The following ANKS1B variants were observed in gnomAD, a reference collection of about 807,000 sequenced individuals.
ANKS1B encodes the protein ankyrin repeat and sterile alpha motif domain-containing protein 1B.
In ANKS1B, 36 loss-of-function variants were observed where a neutral mutation model predicts 148.3. The ratio of observed to expected loss-of-function variants is 0.24; its 90% CI spans 0.19 to 0.32. The LOEUF (loss-of-function observed/expected upper bound fraction) is 0.32, where lower values mean the gene tolerates loss of function less well. Ranked by LOEUF, ANKS1B falls within the 10% of genes least tolerant of loss-of-function variation. The probability of loss-of-function intolerance (pLI) is 1.00; values close to 1 mark genes in which losing one functional copy is unlikely to be tolerated. For missense variants in ANKS1B, 1,157 were observed against 1,542.6 expected, an observed-to-expected ratio of 0.75 and a Z score of 4.19; for synonymous variants, 542 against 560.8, an observed-to-expected ratio of 0.97 and a Z score of 0.47.
chr12:99,023,790 C>T (rs566833117), intron 17 of ANKS1B, among the ~76,000 whole-genome samples: 1 of 150,266 alleles, frequency 6.7e-6, no homozygotes, highest in South Asian at 2.1e-4. Flanking sequence ...TATGCACACA[C>T]ATACACACAT....
In ANKS1B at chr12:99,885,730, G is replaced by GT. The variant is rs199936927; in HGVS notation, c.135-60342dup. Reference sequence around the variant, plus strand: ...CAGTGTCCATTGTATCCAGTATGTAGTTTTTTTATCCCTTACCCCTCTTCT... The same window carrying GT: ...CAGTGTCCATTGTATCCAGTATGTAGTTTTTTTTATCCCTTACCCCTCTTCT... On this transcript the variant is annotated intron_variant, in intron 1 of 26. Transcript: ENST00000683438. Among the ~76,000 whole-genome samples the GT allele has an allele frequency of 1.7e-3, 255 of 152,158 alleles. 9 individuals are homozygous for GT. The East Asian group carries it at 0.041, about 24-fold the overall frequency.
At chr12:99,252,795 A>AT (rs1303399503) in intron 12 of ANKS1B, among the ~76,000 whole-genome samples, 3 of 152,226 alleles carry the variant, frequency 2.0e-5, no homozygotes, top group African/African-American at 7.2e-5. Context: ...TCCCTTGAGA[A>AT]TATCAGAAAT....
At chr12:99,485,768 C>T (rs910590898) in intron 10 of ANKS1B, among the ~76,000 whole-genome samples, 1 of 151,984 alleles carries the variant, frequency 6.6e-6, no homozygotes, top group Non-Finnish European at 1.5e-5. Context: ...AATTCAAAGG[C>T]CCTGTCTTTG....
At chr12:99,063,025 G>A (rs1256501453) in intron 16 of ANKS1B, among the ~76,000 whole-genome samples, 3 of 152,146 alleles carry the variant, frequency 2.0e-5, no homozygotes, top group Non-Finnish European at 4.4e-5. Context: ...AGGTCCTCAC[G>A]TGGGCAAGAG....
intron 11 of ANKS1B, among the ~76,000 whole-genome samples, chr12:99,431,172 C>T (rs545850142): frequency 1.3e-5 from 2 of 152,232 alleles, no homozygotes; most frequent in Middle Eastern, 6.8e-3. Context: ...GCATTTAGCA[C>T]CATTGATTTA....
chr12:98,766,975 TTTA>T (rs1354979271), intron 25 of ANKS1B, among the ~76,000 whole-genome samples: 2 of 127,890 alleles, frequency 1.6e-5, no homozygotes, highest in Admixed American at 9.0e-5. Context: ...CTGGCTATTA[TTTA>T]TTAATTTTTT....
intron 9 of ANKS1B, among the ~76,000 whole-genome samples, chr12:99,638,323 G>C (rs2153415305): frequency 6.6e-6 from 1 of 152,100 alleles, no homozygotes; most frequent in Non-Finnish European, 1.5e-5. Context: ...GAAGTTTGGA[G>C]CTTCCTAGAG....
intron 10 of ANKS1B, among the ~76,000 whole-genome samples, chr12:99,463,952 C>T (rs959391406): frequency 9.8e-5 from 15 of 152,294 alleles, no homozygotes; most frequent in South Asian, 2.1e-4. Flanking sequence ...TCTCCCAGCA[C>T]GCAGCTGCAG....
intron 1 of ANKS1B, among the ~76,000 whole-genome samples, chr12:99,860,383 G>A (rs989334372): frequency 2.0e-5 from 3 of 152,250 alleles, no homozygotes; most frequent in Admixed American, 6.5e-5. Flanking sequence ...AACATCATGG[G>A]TTGTTCAGCA....
intron 9 of ANKS1B, among the ~76,000 whole-genome samples, chr12:99,636,171 T>G (rs1043340989): frequency 6.6e-6 from 1 of 152,146 alleles, no homozygotes; most frequent in African/African-American, 2.4e-5. Context: ...GTCTAGAATA[T>G]AGAATTCTGT....
At chr12:99,434,761 G>C (rs1179338300) in intron 11 of ANKS1B, among the ~76,000 whole-genome samples, 1 of 151,696 alleles carries the variant, frequency 6.6e-6, no homozygotes, top group Non-Finnish European at 1.5e-5. Flanking sequence ...TAGGTGCCAG[G>C]GGTACATGTG....
At chr12:99,594,947 A>G (rs1180903567) in intron 9 of ANKS1B, among the ~76,000 whole-genome samples, 2 of 152,058 alleles carry the variant, frequency 1.3e-5, no homozygotes, top group Non-Finnish European at 2.9e-5. Context: ...CAGAAGAGTC[A>G]GGATTCAAAT....
At chr12:98,799,249 A>C (rs1182333265) in intron 21 of ANKS1B, among the ~76,000 whole-genome samples, 2 of 152,270 alleles carry the variant, frequency 1.3e-5, no homozygotes, top group East Asian at 3.9e-4. Context: ...CATCTTCTAA[A>C]GATGCCATCT....
At chr12:99,382,111 T>G (rs191685942) in intron 12 of ANKS1B, among the ~76,000 whole-genome samples, 1 of 152,302 alleles carries the variant, frequency 6.6e-6, no homozygotes, top group East Asian at 1.9e-4. Flanking sequence ...GAGCAGTGAA[T>G]GACCCATGAG....
chr12:99,006,635 C>T (rs951122819), intron 17 of ANKS1B, among the ~76,000 whole-genome samples: 11 of 152,258 alleles, frequency 7.2e-5, no homozygotes, highest in East Asian at 5.8e-4. Flanking sequence ...GTGGGCTCAG[C>T]CCCAAACTGT....
intron 12 of ANKS1B, among the ~76,000 whole-genome samples, chr12:99,255,244 T>C (rs529707729): frequency 1.6e-4 from 25 of 152,264 alleles, no homozygotes; most frequent in African/African-American, 6.0e-4. Flanking sequence ...AGAATTTGTC[T>C]AATTTTTCTC....
At chr12:99,862,644 AC>A (rs1304961908) in intron 1 of ANKS1B, among the ~76,000 whole-genome samples, 2 of 152,228 alleles carry the variant, frequency 1.3e-5, no homozygotes, top group Non-Finnish European at 2.9e-5. Flanking sequence ...GATACAAAGA[AC>A]CATTCAAGTT....
At chr12:99,292,046 T>C (rs1002779763) in intron 12 of ANKS1B, among the ~76,000 whole-genome samples, 1 of 152,064 alleles carries the variant, frequency 6.6e-6, no homozygotes, top group Non-Finnish European at 1.5e-5. Context: ...CCTAAAACCA[T>C]AAAAACCCTA....
chr12:99,774,859 A>T (rs1468364684), intron 7 of ANKS1B, among the ~76,000 whole-genome samples: 1 of 152,122 alleles, frequency 6.6e-6, no homozygotes, highest in Admixed American at 6.6e-5. Context: ...AACAACATGG[A>T]TGAACCTAGA....
Sources: gnomAD v4.1 joint callset for allele counts (sites outside exome capture counted in the v4.1 genomes callset) on GRCh38, gnomAD v4.1.1 for gene constraint, MANE v1.5 for transcripts, NCBI Gene and HGNC (gene_info 2026-07-23, HGNC 2026-07-21) for gene names.